The following MEGF6 variants were observed in gnomAD, a reference collection of about 807,000 sequenced individuals.
MEGF6 encodes the protein multiple epidermal growth factor-like domains protein 6.
A neutral mutation model predicts 207.1 loss-of-function variants in MEGF6; 184 were observed. That is an observed-to-expected ratio of 0.89 (90% CI 0.79 to 1.00). MEGF6 has a LOEUF of 1.00. MEGF6 is among the 50% of genes least tolerant of loss of function. The probability of loss-of-function intolerance (pLI) is 0.00; values close to 1 mark genes in which losing one functional copy is unlikely to be tolerated. For synonymous variants in MEGF6, 1,038 were observed against 910.0 expected, an observed-to-expected ratio of 1.14 and a Z score of -2.53; for missense variants, 2,282 against 2,202.9, an observed-to-expected ratio of 1.04 and a Z score of -0.72.
intron 3 of MEGF6, among the ~76,000 whole-genome samples, chr1:3,582,633 G>A (rs1190796899): frequency 6.6e-6 from 1 of 152,100 alleles, no homozygotes; most frequent in Non-Finnish European, 1.5e-5. Flanking sequence ...GCTTTCCATT[G>A]ACTTGGCACA....
intron 4 of MEGF6, among the ~76,000 whole-genome samples, chr1:3,533,580 A>G (rs1642239769): frequency 6.6e-6 from 1 of 152,172 alleles, no homozygotes; most frequent in African/African-American, 2.4e-5. Flanking sequence ...GCCAGGCTTG[A>G]GAGGGGTGCA....
Position 3,611,497 on chromosome 1 carries a change from G to A in MEGF6, c.-229C>T, listed in dbSNP as rs1166010828. On this transcript the variant is annotated 5_prime_UTR_variant, in exon 1 of 37. In the 5' UTR this introduces an upstream ATG that the reference lacks. Transcript: ENST00000356575. ...ACCCTGCAGGAACTCGCCCCGGCGC[G>A]TTGAGCACAGTGCCCCGGACTCAGA... 8.3e-6 allele frequency: 4 copies of A among 484,770 alleles called. No homozygotes were observed. The highest frequency in any genetic ancestry group is 6.1e-5 in the African/African-American group (3 of 49,056). 30.0% of individuals were successfully genotyped at this position (484,770 alleles called of 1,614,324 possible).
intron 3 of MEGF6, among the ~76,000 whole-genome samples, chr1:3,590,396 AC>A (rs34860893): frequency 0.8 from 121,034 of 151,428 alleles, 49,967 homozygotes; most frequent in Non-Finnish European, 0.91. Flanking sequence ...CAGGAAGGAC[AC>A]CCCCCCAGCA....
chr1:3,491,127 C>CG (rs1640341918), intron 35 of MEGF6, among the ~76,000 whole-genome samples, 168 bp from the exon 36 acceptor site: 2 of 112,554 alleles, frequency 1.8e-5, no homozygotes, highest in African/African-American at 6.0e-5. Flanking sequence ...GGGGCGGGAG[C>CG]TGGGGGGGGG....
At position 3,602,381 on chromosome 1, in the gene MEGF6, G is replaced by A. The variant is rs567278665; in HGVS notation, c.266+85C>T. On this transcript the variant is annotated intron_variant, in intron 2 of 36. Coordinates refer to ENST00000356575, the MANE Select transcript of MEGF6 (RefSeq NM_001409.4). ...GGCCCTGAGACCAGGACGGGGTCCT[G>A]GCCTCAGCTGCCCAGCTCCCGGGTG... 21 of 1,587,576 alleles carry A rather than the reference G, an allele frequency of 1.3e-5. 1 individual carries two copies. The South Asian group carries it at 1.5e-4, about 11-fold the overall frequency.
chr1:3,501,973 C>G, intron 17 of MEGF6, 52 bp from the exon 18 acceptor site: 1 of 1,561,234 alleles, frequency 6.4e-7, no homozygotes, highest in Non-Finnish European at 8.6e-7. Flanking sequence ...AGTGGACTGA[C>G]CAGAGCCTTT....
At chr1:3,536,142 T>C (rs904322952) in intron 4 of MEGF6, among the ~76,000 whole-genome samples, 27 of 152,270 alleles carry the variant, frequency 1.8e-4, no homozygotes, top group Non-Finnish European at 1.8e-4. Flanking sequence ...CAACAGACCA[T>C]GACCTCCGAT....
At chr1:3,500,568 C>T (rs942523920) in intron 21 of MEGF6, 65 bp downstream of exon 21, 51 of 1,493,744 alleles carry the variant, frequency 3.4e-5, no homozygotes, top group African/African-American at 5.6e-5. Flanking sequence ...TGTGTGTGCA[C>T]GTGTGCATAT....
At chr1:3,562,188 GTC>G (rs1643222665) in intron 4 of MEGF6, among the ~76,000 whole-genome samples, 1 of 152,134 alleles carries the variant, frequency 6.6e-6, no homozygotes, top group Non-Finnish European at 1.5e-5. Flanking sequence ...CTTTCTCTGT[GTC>G]TCTATTTCTC....
intron 4 of MEGF6, among the ~76,000 whole-genome samples, chr1:3,548,205 C>G (rs778385256): frequency 4.6e-5 from 7 of 152,224 alleles, no homozygotes. Flanking sequence ...GCCGACCTTT[C>G]CCACCAGCAC....
intron 21 of MEGF6, 146 bp downstream of exon 21, chr1:3,500,487 G>T: frequency 1.7e-6 from 2 of 1,209,010 alleles, no homozygotes; most frequent in Admixed American, 2.8e-5. Flanking sequence ...GGGTGTGTGC[G>T]CGCACAGGAG....
At chr1:3,510,703 C>T in intron 10 of MEGF6, 80 bp downstream of exon 10, 1 of 1,506,902 alleles carries the variant, frequency 6.6e-7, no homozygotes, top group Non-Finnish European at 8.9e-7. Flanking sequence ...ATGGGGGTAC[C>T]AGAGCCAGCC....
chr1:3,526,892 C>A (rs1213852629), intron 4 of MEGF6, among the ~76,000 whole-genome samples: 1 of 152,224 alleles, frequency 6.6e-6, no homozygotes, highest in Admixed American at 6.5e-5. Context: ...CGCCTGCTGA[C>A]CTTGCCTCGA....
At chr1:3,541,255 G>A (rs1036119328) in intron 4 of MEGF6, among the ~76,000 whole-genome samples, 1 of 152,158 alleles carries the variant, frequency 6.6e-6, no homozygotes, top group Non-Finnish European at 1.5e-5. Context: ...CCCAGGCTTG[G>A]CATGGAGTGT....
In MEGF6 at chr1:3,500,782, G is replaced by T. The variant is rs1221677951; in HGVS notation, c.2576-18C>A. 1 of 1,603,664 alleles carries T rather than the reference G, an allele frequency of 6.2e-7. No homozygotes were observed. The highest frequency in any genetic ancestry group is 8.5e-7 in the Non-Finnish European group (1 of 1,175,148). On this transcript the variant is annotated intron_variant, in intron 20 of 36. Coordinates refer to ENST00000356575, the MANE Select transcript of MEGF6 (RefSeq NM_001409.4). Reference sequence around the variant, plus strand: ...ATCACAGGCTGCAACAGAACTCAGGGTCACCCGGCGCAGGCCCAAGCGCGG... The same window carrying T: ...ATCACAGGCTGCAACAGAACTCAGGTTCACCCGGCGCAGGCCCAAGCGCGG...
chr1:3,510,012 A>T lies in MEGF6; in HGVS notation c.1235-20T>A. Reference sequence around the variant, plus strand: ...CCACATCTGCGGGCGACCCGGGACCACTGAGGCCTGTGCTCCCAGGTGGGG... The same window carrying T: ...CCACATCTGCGGGCGACCCGGGACCTCTGAGGCCTGTGCTCCCAGGTGGGG... On this transcript the variant is annotated intron_variant, in intron 10 of 36. Coordinates refer to ENST00000356575, the MANE Select transcript of MEGF6 (RefSeq NM_001409.4). The T allele has an allele frequency of 6.3e-7, 1 of 1,577,270 alleles. No homozygotes were observed. Among genetic ancestry groups the T allele is most frequent in the Non-Finnish European group, 8.6e-7 (1 of 1,169,568 alleles).
At chr1:3,614,447 A>G (rs1218253752), upstream of MEGF6, among the ~76,000 whole-genome samples, 2 of 152,230 alleles carry the variant, frequency 1.3e-5, no homozygotes, top group African/African-American at 4.8e-5. Context: ...CATGGTAGAC[A>G]AGGTTTCTTT....
chr1:3,608,770 C>T (rs554895251), intron 1 of MEGF6, among the ~76,000 whole-genome samples: 12 of 152,308 alleles, frequency 7.9e-5, no homozygotes, highest in East Asian at 3.9e-4. Context: ...TCCCAGACCC[C>T]GTTCCCAGAT....
chr1:3,531,557 C>G (rs1642174213), intron 4 of MEGF6: 11 of 948,736 alleles, frequency 1.2e-5, no homozygotes, highest in Non-Finnish European at 1.4e-5. Context: ...GCCGCGCCGG[C>G]CCGCCCGCCC....
Sources: allele counts gnomAD v4.1 joint callset (sites outside exome capture counted in the v4.1 genomes callset), GRCh38; gene constraint gnomAD v4.1.1; transcripts MANE v1.5; gene names NCBI Gene and HGNC (gene_info 2026-07-23, HGNC 2026-07-21).